NPC1L1: variants seen among roughly 807,000 people sequenced by gnomAD.
The protein encoded by NPC1L1 is NPC1 like intracellular cholesterol transporter 1, also known as NPC1-like intracellular cholesterol transporter 1.
NPC1L1 carries 98 observed loss-of-function variants against 117.0 expected under a neutral mutation model. That is an observed-to-expected ratio of 0.84 (90% CI 0.71 to 0.99). The LOEUF (loss-of-function observed/expected upper bound fraction) is 0.99. NPC1L1 is among the 50% of genes least tolerant of loss of function. NPC1L1 has a pLI of 0.00. For synonymous variants in NPC1L1, 729 were observed against 727.6 expected (o/e 1.00, Z -0.03); for missense variants, 1,540 against 1,710.0 (o/e 0.90, Z 1.75).
intron 10 of NPC1L1, among the ~76,000 whole-genome samples, chr7:44,529,784 C>T (rs1334415560): frequency 6.6e-6 from 1 of 151,954 alleles, no homozygotes; most frequent in African/African-American, 2.4e-5. Flanking sequence ...GCCTGTAATC[C>T]CAGCACTTTG....
At chr7:44,529,379 T>C (rs1264421047) in intron 10 of NPC1L1, among the ~76,000 whole-genome samples, 3 of 150,738 alleles carry the variant, frequency 2.0e-5, no homozygotes, top group African/African-American at 4.9e-5. Context: ...AGACAAAATA[T>C]ACTTTTTTTT....
chr7:44,520,385 C>T (rs1036020345), intron 14 of NPC1L1, among the ~76,000 whole-genome samples: 13 of 152,162 alleles, frequency 8.5e-5, no homozygotes, highest in African/African-American at 7.2e-5. Context: ...AGATTACAGG[C>T]GCCCAGCCTC....
In NPC1L1 at chr7:44,516,047, G is replaced by A. The variant is rs373104764; in HGVS notation, c.3633+37C>T. ...GGCATCAGGCAGGGCACAGGGTGTC[G>A]AGTGGGGCACAGGGTGGCCCACTCC... On this transcript the variant is annotated intron_variant, in intron 17 of 18. Transcript: ENST00000381160. 104 of 1,606,264 alleles carry A rather than the reference G, an allele frequency of 6.5e-5. No individual in the cohort carries two copies. In the African/African-American group the frequency reaches 6.9e-4, roughly 11 times the overall value.
rs560397954 is a variant in NPC1L1 at position 44,533,807 on chromosome 7, C to T, written c.2213G>A (p.Arg738Gln). 4 of 1,613,790 alleles carry T rather than the reference C, an allele frequency of 2.5e-6. No individual in the cohort carries two copies. The highest frequency in any genetic ancestry group is 2.2e-5 in the East Asian group (1 of 44,880). Residue 738 changes from arginine to glutamine, a missense_variant, in exon 7 of 19, where the codon CGA becomes CAA. Transcript: ENST00000381160. ...PGEPREVHIG[R>Q]ALGRVAPSML... Reference sequence around the variant, plus strand: ...GCTGGGAGCCACCCTGCCTAGGGCTCGCCCAATGTGGACCTCTCGTGGCTC... The same window carrying T: ...GCTGGGAGCCACCCTGCCTAGGGCTTGCCCAATGTGGACCTCTCGTGGCTC...
rs376897553 is a variant in NPC1L1, at chr7:44,539,293, C to T, written c.1104G>A (p.Ala368=). ...TAGTGAGTTCTGTAAAGACCAGGCC[C>T]GCTGCCAAGGCCACCACCGGGATGA... ...LSVIPVVALA[A]GLVFTELTTD... Residue 368 remains alanine (A), a synonymous_variant, in exon 2 of 19, where the codon GCG becomes GCA. Transcript: ENST00000381160. The surrounding 1 kb of genome is among the most constrained non-coding windows in gnomAD (Gnocchi z 4.4). 5.7e-5 allele frequency: 92 copies of T among 1,613,800 alleles called. No individual in the cohort carries two copies. Among genetic ancestry groups the T allele is most frequent in the Non-Finnish European group, 6.7e-5 (79 of 1,179,992 alleles).
Position 44,538,275 on chromosome 7 carries a change from C to A in NPC1L1, c.1580+542G>T, listed in dbSNP as rs977018066. Among the ~76,000 whole-genome samples the A allele has an allele frequency of 2.6e-5, 4 of 152,206 alleles. No individual in the cohort carries two copies. Among genetic ancestry groups the A allele is most frequent in the African/African-American group, 7.2e-5 (3 of 41,438 alleles). On this transcript the variant is annotated intron_variant, in intron 2 of 18. Coordinates refer to ENST00000381160, the MANE Select transcript of NPC1L1 (RefSeq NM_001101648.2). This position sits in a 1 kb window ranked among gnomAD's most constrained non-coding sequence, Gnocchi z 5.9. Reference sequence around the variant, plus strand: ...TGGCAGCACACCAGAGTGGACAGAACCAAAGACCGAACCCCAATCAATAGA... The same window carrying A: ...TGGCAGCACACCAGAGTGGACAGAAACAAAGACCGAACCCCAATCAATAGA...
At chr7:44,533,345 T>C in intron 8 of NPC1L1, 86 bp downstream of exon 8, 1 of 1,555,618 alleles carries the variant, frequency 6.4e-7, no homozygotes, top group Non-Finnish European at 8.8e-7. Flanking sequence ...CTCTGGGCCA[T>C]CTCTGTGGTG....
chr7:44,521,393 G>T (rs554448925), intron 12 of NPC1L1, among the ~76,000 whole-genome samples: 2 of 152,338 alleles, frequency 1.3e-5, no homozygotes, highest in East Asian at 3.9e-4. Flanking sequence ...GCTTTGGGCG[G>T]CAGGGCCATG....
chr7:44,517,328 G>A lies in NPC1L1; in HGVS notation c.3166C>T (p.Leu1056=). The change falls in exon 15 of 19, where the codon CTG becomes TTG. Residue 1056 remains leucine, a synonymous_variant. Coordinates refer to ENST00000381160, the MANE Select transcript of NPC1L1 (RefSeq NM_001101648.2). ...ASRFMAYHKP[L]KNSQDYTEAL... ...TCTGTGTAATCCTGTGAGTTTTTCA[G>A]GGGCTTGTGATAGGCCATGAACCTG... The A allele has an allele frequency of 6.2e-7, 1 of 1,613,638 alleles. No individual in the cohort carries two copies. The highest frequency in any genetic ancestry group is 8.5e-7 in the Non-Finnish European group (1 of 1,180,040).
In NPC1L1 at chr7:44,534,313, A is replaced by T; in HGVS notation, c.2166+134T>A. The T allele has an allele frequency of 2.3e-6, 2 of 853,900 alleles. No individual in the cohort carries two copies. The highest frequency in any genetic ancestry group is 4.0e-6 in the Non-Finnish European group (2 of 496,094). The allele number at this position is 853,900 out of a possible 1,614,324, so 52.9% of individuals were successfully genotyped here. ...ACACTCTAGTTTCTACAGATATTGTAAACATGCGTGTCGATGAACAGAAAG... is the reference window on the plus strand; with the variant it reads ...ACACTCTAGTTTCTACAGATATTGTTAACATGCGTGTCGATGAACAGAAAG... On this transcript the variant is annotated intron_variant, in intron 6 of 18. Transcript: ENST00000381160. This position sits in a 1 kb window ranked among gnomAD's most constrained non-coding sequence, Gnocchi z 5.2.
intron 14 of NPC1L1, among the ~76,000 whole-genome samples, chr7:44,520,082 C>T (rs995815662): frequency 6.6e-5 from 10 of 152,120 alleles, no homozygotes; most frequent in African/African-American, 2.4e-4. Context: ...GAGTTTGAGA[C>T]CAGCTTGGCC....
At chr7:44,522,498 CACACAAGT>C (rs1347892363) in intron 10 of NPC1L1, among the ~76,000 whole-genome samples, 4 of 152,280 alleles carry the variant, frequency 2.6e-5, no homozygotes, top group Admixed American at 6.5e-5. Flanking sequence ...GAGGTACATG[CACACAAGT>C]ACACAAAATA....
chr7:44,521,815 G>C lies in NPC1L1; in HGVS notation c.2850C>G (p.Ala950=). ...CAATGAAGTCATCCACCCAGGAGGA[G>C]GCAGGGATGGCCAGGTAAGACCTAA... ...FPEQSYLAIP[A]SSWVDDFIDW... is the part of the protein sequence containing the mutation. The change falls in exon 12 of 19, where the codon GCC becomes GCG. Residue 950 remains alanine (A), a synonymous_variant. Coordinates refer to ENST00000381160, the MANE Select transcript of NPC1L1 (RefSeq NM_001101648.2). 6.2e-7 allele frequency: 1 copy of C among 1,614,160 alleles called. No individual in the cohort carries two copies. Among genetic ancestry groups the C allele is most frequent in the Non-Finnish European group, 8.5e-7 (1 of 1,180,030 alleles).
In NPC1L1 at chr7:44,533,746, G is replaced by A. The variant is rs750633305; in HGVS notation, c.2274C>T (p.Phe758=). 2 of 1,614,092 alleles carry A rather than the reference G, an allele frequency of 1.2e-6. No homozygotes were observed. The highest frequency in any genetic ancestry group is 1.7e-6 in the Non-Finnish European group (2 of 1,179,974). ...LLCSLSEAIC[F]FLGALTPMPA... is the part of the protein sequence containing the mutation. ...GGTCTCACCCAGGCTCACCTAGGAA[G>A]AAGCAGATGGCCTCAGAGAGGCTGC... The change falls in exon 7 of 19, where the codon TTC becomes TTT. Residue 758 remains phenylalanine (F), a synonymous_variant. Coordinates refer to ENST00000381160, the MANE Select transcript of NPC1L1 (RefSeq NM_001101648.2).
rs1360838297 is a variant in NPC1L1, at chr7:44,534,728, C to T, written c.1984-99G>A. 3 of 1,270,472 alleles carry T rather than the reference C, an allele frequency of 2.4e-6. No individual in the cohort carries two copies. Among genetic ancestry groups the T allele is most frequent in the African/African-American group, 2.9e-5 (2 of 68,084 alleles). The allele number at this position is 1,270,472 out of a possible 1,614,324, so 78.7% of individuals were successfully genotyped here. A position where few individuals can be genotyped will look rare whatever the true frequency, so the allele number is the denominator to read the frequency against. On this transcript the variant is annotated intron_variant, in intron 5 of 18. Transcript: ENST00000381160. This position sits in a 1 kb window ranked among gnomAD's most constrained non-coding sequence, Gnocchi z 5.2. ...AGACAAAGTAGCCGGCAGGCACCCT[C>T]AGTGCCTGCAGGTGCCCGATACTGC...
intron 15 of NPC1L1, 92 bp downstream of exon 15, chr7:44,517,115 C>T: frequency 6.4e-7 from 1 of 1,568,476 alleles, no homozygotes; most frequent in South Asian, 1.1e-5. Flanking sequence ...TGGTCCTCAT[C>T]TCATGCAACT....
At chr7:44,516,624 A>G (rs1801192607) in intron 16 of NPC1L1, 79 bp downstream of exon 16, 1 of 1,169,952 alleles carries the variant, frequency 8.5e-7, no homozygotes, top group Admixed American at 2.0e-5. Context: ...GAAACAAAAA[A>G]GAACTAGGAG....
Position 44,536,360 on chromosome 7 carries a change from G to T in NPC1L1, c.1750C>A (p.Pro584Thr). ...FSLNNYPAGD[P>T]RLAQAKLWEE... ...CACAGCTTGGCCTGGGCCAGACGGG[G>T]GTCCCCGGCAGGGTAATTGTTGAGG... Residue 584 changes from proline to threonine, a missense_variant, in exon 4 of 19, where the codon CCC (proline) becomes ACC (threonine). This residue lies in a region of NPC1L1 where 793 missense variants were observed against 820.4 expected (regional missense o/e 0.97). Transcript: ENST00000381160. This position sits in a 1 kb window ranked among gnomAD's most constrained non-coding sequence, Gnocchi z 4.7. The T allele has an allele frequency of 6.2e-7, 1 of 1,614,212 alleles. No homozygotes were observed. Among genetic ancestry groups the T allele is most frequent in the South Asian group, 1.1e-5 (1 of 91,092 alleles).
rs915094234 is a variant in NPC1L1, at chr7:44,538,022, C to T, written c.1580+795G>A. ...CAAAGTGTGGCCTGGGGCCCTTAGG[C>T]GTCCTGGAGACCCTTTCCAGGGTCT... On this transcript the variant is annotated intron_variant, in intron 2 of 18. Transcript: ENST00000381160. The surrounding 1 kb of genome is among the most constrained non-coding windows in gnomAD (Gnocchi z 5.9). Among the ~76,000 whole-genome samples, 1 of 152,220 alleles carries T rather than the reference C, an allele frequency of 6.6e-6. No individual in the cohort carries two copies. Among genetic ancestry groups the T allele is most frequent in the Non-Finnish European group, 1.5e-5 (1 of 68,044 alleles).
Sources: gnomAD v4.1 joint callset for allele counts (sites outside exome capture counted in the v4.1 genomes callset) on GRCh38, gnomAD v4.1.1 for gene constraint, gnomAD v4.1.1 regional missense constraint, Gnocchi (gnomAD v3.1) non-coding constraint, MANE v1.5 for transcripts, NCBI Gene and HGNC (gene_info 2026-07-23, HGNC 2026-07-21) for gene names.